The following PTPRO variants were observed in gnomAD, a reference collection of about 807,000 sequenced individuals.
PTPRO encodes protein tyrosine phosphatase receptor type O.
In PTPRO, 62 loss-of-function variants were observed where a neutral mutation model predicts 145.2. That is an observed-to-expected ratio of 0.43 (90% CI 0.35 to 0.53). PTPRO has a LOEUF of 0.53. Ranked by LOEUF, PTPRO falls within the 20% of genes least tolerant of loss-of-function variation. The probability of loss-of-function intolerance (pLI) is 0.01; values close to 1 mark genes in which losing one functional copy is unlikely to be tolerated. For synonymous variants in PTPRO, 565 were observed against 514.7 expected (o/e 1.10, Z -1.32); for missense variants, 1,345 against 1,482.7 (o/e 0.91, Z 1.53).
At chr12:15,343,829 G>A (rs1414123428) in intron 1 of PTPRO, among the ~76,000 whole-genome samples, 2 of 152,084 alleles carry the variant, frequency 1.3e-5, no homozygotes, top group Admixed American at 1.3e-4. Context: ...GACCAGAGGC[G>A]CCTGCCACCA....
At chr12:15,350,808 A>T (rs1288625596) in intron 1 of PTPRO, among the ~76,000 whole-genome samples, 1 of 152,188 alleles carries the variant, frequency 6.6e-6, no homozygotes, top group Non-Finnish European at 1.5e-5. Context: ...TCACATATAC[A>T]CACAACTCCC....
At chr12:15,323,779 G>C (rs963553410) in intron 1 of PTPRO, among the ~76,000 whole-genome samples, 4 of 152,172 alleles carry the variant, frequency 2.6e-5, no homozygotes, top group African/African-American at 7.2e-5. Context: ...ATGGATGCCA[G>C]GTTAATGGAT....
At position 15,359,935 on chromosome 12, in the gene PTPRO, A is replaced by C. The variant is rs143407418; in HGVS notation, c.75+37134A>C. Among the ~76,000 whole-genome samples the C allele has an allele frequency of 1.5e-3, 228 of 152,314 alleles. 1 individual carries two copies. In the East Asian group the frequency reaches 0.018, roughly 12 times the overall value. On this transcript the variant is annotated intron_variant, in intron 1 of 26. Transcript: ENST00000281171. The stretch of plus-strand genomic sequence containing the variant: ...AACAGGGACCTTCAGATAGTTCCTA[A>C]AATTCCCCAAGCATTTTCCTCACCC...
intron 1 of PTPRO, among the ~76,000 whole-genome samples, chr12:15,469,892 G>A (rs906385261): frequency 5.3e-5 from 8 of 151,864 alleles, no homozygotes; most frequent in Non-Finnish European, 8.8e-5. Flanking sequence ...CCTAAATATC[G>A]GATCCTTGGA....
chr12:15,446,489 G>A (rs1940906445), intron 1 of PTPRO, among the ~76,000 whole-genome samples: 2 of 151,830 alleles, frequency 1.3e-5, no homozygotes, highest in South Asian at 2.1e-4. Flanking sequence ...ATATAAGTAG[G>A]AAAAGATATT....
chr12:15,366,601 G>A (rs1050587880), intron 1 of PTPRO, among the ~76,000 whole-genome samples: 7 of 152,210 alleles, frequency 4.6e-5, no homozygotes, highest in Non-Finnish European at 1.0e-4. Context: ...AAAGAAATGG[G>A]TAGTATAGTT....
At position 15,378,453 on chromosome 12, in the gene PTPRO, C is replaced by T. The variant is rs1177480394; in HGVS notation, c.75+55652C>T. Among the ~76,000 whole-genome samples, 15 of 151,968 alleles carry T rather than the reference C, an allele frequency of 9.9e-5. No individual in the cohort carries two copies. In the East Asian group the frequency reaches 1.4e-3, roughly 14 times the overall value. On this transcript the variant is annotated intron_variant, in intron 1 of 26. Coordinates refer to ENST00000281171, the MANE Select transcript of PTPRO (RefSeq NM_030667.3). ...ACAAAGTGGATAACTTAGATGAAAC[C>T]GATAAATTTCTAGAAAAACACAAAA... is the stretch of plus-strand genomic sequence containing the variant.
rs528784695 is a variant in PTPRO at position 15,589,541 on chromosome 12, G to C, written c.3497G>C (p.Gly1166Ala). Residue 1166 changes from glycine to alanine, a missense_variant, in exon 25 of 27, where the codon GGG becomes GCG. Gly to Ala is a moderately conservative substitution (Grantham distance 60, BLOSUM62 0). Coordinates refer to ENST00000281171, the MANE Select transcript of PTPRO (RefSeq NM_030667.3). ...IRDHEFVDIL[G>A]LVSEMRSYRM... is the part of the protein sequence containing the mutation. ...GATCATGAGTTTGTTGACATCTTAGGGCTGGTGTCAGAAATGAGGTCATAC... is the reference window on the plus strand; with the variant it reads ...GATCATGAGTTTGTTGACATCTTAGCGCTGGTGTCAGAAATGAGGTCATAC... The C allele has an allele frequency of 2.1e-4, 331 of 1,614,076 alleles. 3 individuals carry two copies. The South Asian group carries it at 3.2e-3, about 16-fold the overall frequency.
intron 17 of PTPRO, among the ~76,000 whole-genome samples, chr12:15,563,357 C>T (rs903469320): frequency 2.6e-5 from 4 of 152,028 alleles, no homozygotes; most frequent in Admixed American, 2.6e-4. Context: ...GTTAAAATTG[C>T]TAGCAAAGCC....
chr12:15,578,204 C>T (rs1944228546), intron 19 of PTPRO, among the ~76,000 whole-genome samples: 1 of 151,938 alleles, frequency 6.6e-6, no homozygotes, highest in Non-Finnish European at 1.5e-5. Flanking sequence ...TTCTCTAAGG[C>T]TCATTGCCTA....
Position 15,501,958 on chromosome 12 carries a change from A to G in PTPRO, c.1000A>G (p.Thr334Ala), listed in dbSNP as rs758414678. The change falls in exon 5 of 27, where the codon ACA becomes GCA. Residue 334 changes from threonine to alanine, a missense_variant. By Grantham distance (58) the Thr-to-Ala change is moderately conservative. Around this residue, in one of 3 missense-constraint regions of PTPRO, gnomAD observed 1,130 missense variants for 1,214.7 expected, o/e 0.93. Coordinates refer to ENST00000281171, the MANE Select transcript of PTPRO (RefSeq NM_030667.3). Reference protein sequence around the residue: ...NSTLSETEKSTSGSFSFFPVQ... With the variant: ...NSTLSETEKSASGSFSFFPVQ... ...TACACTCAGTGAGACAGAGAAGTCA[A>G]CATCAGGCTCTTTCTCCTTTTTCCC... The G allele has an allele frequency of 3.1e-6, 5 of 1,613,992 alleles. No individual in the cohort carries two copies. The South Asian group carries it at 4.4e-5, about 14-fold the overall frequency.
chr12:15,394,012 A>T (rs889070338), intron 1 of PTPRO, among the ~76,000 whole-genome samples: 3 of 151,596 alleles, frequency 2.0e-5, no homozygotes, highest in African/African-American at 7.3e-5. Context: ...CAACCAACCA[A>T]CTCCTGTGAT....
intron 1 of PTPRO, among the ~76,000 whole-genome samples, chr12:15,424,009 G>C (rs1023898853): frequency 2.0e-5 from 3 of 152,158 alleles, no homozygotes; most frequent in Admixed American, 6.5e-5. Flanking sequence ...AAATATGTCA[G>C]GCTAATAGGA....
chr12:15,582,663 T>G (rs1318888261), intron 23 of PTPRO, among the ~76,000 whole-genome samples: 1 of 152,262 alleles, frequency 6.6e-6, no homozygotes, highest in Admixed American at 6.5e-5. Flanking sequence ...GGCACACTTA[T>G]GTTTTAAATT....
chr12:15,445,092 A>G (rs1164858411), intron 1 of PTPRO, among the ~76,000 whole-genome samples: 2 of 152,168 alleles, frequency 1.3e-5, no homozygotes, highest in East Asian at 3.8e-4. Flanking sequence ...TCCATACATT[A>G]ATGGGAAAAA....
intron 1 of PTPRO, among the ~76,000 whole-genome samples, chr12:15,380,728 C>A (rs1382685560): frequency 1.3e-5 from 2 of 152,092 alleles, no homozygotes; most frequent in Admixed American, 1.3e-4. Flanking sequence ...AAATACGTAA[C>A]CTCTACTGCA....
intron 24 of PTPRO, among the ~76,000 whole-genome samples, chr12:15,588,786 T>C (rs888648722): frequency 1.8e-4 from 27 of 152,212 alleles, no homozygotes; most frequent in Non-Finnish European, 3.8e-4. Context: ...GGGTATTGTT[T>C]ATGTGTATCA....
chr12:15,445,538 G>A (rs981688991), intron 1 of PTPRO, among the ~76,000 whole-genome samples: 2 of 152,068 alleles, frequency 1.3e-5, no homozygotes, highest in African/African-American at 4.8e-5. Flanking sequence ...TGTCAAAAAT[G>A]TATTTGGTTG....
rs756453863 is a variant in PTPRO at position 15,526,151 on chromosome 12, A to G, written c.2053A>G (p.Asn685Asp). The change falls in exon 12 of 27, where the codon AAT (asparagine) becomes GAT (aspartate). Residue 685 changes from asparagine (N) to aspartate (D), a missense_variant. Around this residue, in one of 3 missense-constraint regions of PTPRO, gnomAD observed 1,130 missense variants for 1,214.7 expected, o/e 0.93. Coordinates refer to ENST00000281171, the MANE Select transcript of PTPRO (RefSeq NM_030667.3). ...TTTGATGATCTTGCAGGTAACACGC[A>G]ATGTCATGACTGCAATTCTCAGCTT... ...KKKIKKSVTR[N>D]VMTAILSLPP... is the part of the protein sequence containing the mutation. 6.2e-7 allele frequency: 1 copy of G among 1,614,032 alleles called. No individual in the cohort carries two copies. Among genetic ancestry groups the G allele is most frequent in the South Asian group, 1.1e-5 (1 of 91,084 alleles).
Sources: gnomAD v4.1 joint callset for allele counts (sites outside exome capture counted in the v4.1 genomes callset) on GRCh38, gnomAD v4.1.1 for gene constraint, gnomAD v4.1.1 regional missense constraint, MANE v1.5 for transcripts, NCBI Gene and HGNC (gene_info 2026-07-23, HGNC 2026-07-21) for gene names.